CNTNAP2: variants seen among roughly 807,000 people sequenced by gnomAD.
The protein encoded by CNTNAP2 is contactin-associated protein-like 2.
Under a neutral mutation model 155.2 loss-of-function variants are expected in CNTNAP2, and 98 were observed. The observed-to-expected ratio is 0.63, with a 90% CI of 0.54 to 0.75. The LOEUF (loss-of-function observed/expected upper bound fraction) is 0.75. CNTNAP2 is among the 30% of genes least tolerant of loss of function. CNTNAP2 has a pLI of 0.00. For synonymous variants in CNTNAP2, 651 were observed against 631.2 expected (o/e 1.03, Z -0.47); for missense variants, 1,727 against 1,688.1 (o/e 1.02, Z -0.40).
chr7:147,443,868 T>C (rs1270515698), intron 10 of CNTNAP2, among the ~76,000 whole-genome samples: 2 of 152,246 alleles, frequency 1.3e-5, no homozygotes, highest in African/African-American at 2.4e-5. Flanking sequence ...GCAAAGCAAC[T>C]GGCTGTGATT....
intron 13 of CNTNAP2, among the ~76,000 whole-genome samples, chr7:147,848,225 A>G (rs1170233899): frequency 2.1e-5 from 3 of 144,122 alleles, no homozygotes; most frequent in Non-Finnish European, 4.6e-5. Flanking sequence ...TTGATCTCAG[A>G]CTGCTGTGCT....
intron 15 of CNTNAP2, among the ~76,000 whole-genome samples, chr7:148,020,107 GAGTAACC>G (rs1387467346): frequency 1.3e-5 from 2 of 152,134 alleles, no homozygotes. Flanking sequence ...TTAATTCTCT[GAGTAACC>G]AGAAGCCAAA....
chr7:147,445,755 T>C (rs1329779898), intron 10 of CNTNAP2, among the ~76,000 whole-genome samples: 2 of 152,276 alleles, frequency 1.3e-5, no homozygotes, highest in Middle Eastern at 3.4e-3. Context: ...AGTCTATCTA[T>C]GTTTCTTTCC....
intron 13 of CNTNAP2, among the ~76,000 whole-genome samples, chr7:147,860,432 CA>C: frequency 6.6e-6 from 1 of 150,762 alleles, no homozygotes; most frequent in Admixed American, 6.6e-5. Flanking sequence ...TCAACAACAA[CA>C]AAAAAAATTA....
intron 13 of CNTNAP2, among the ~76,000 whole-genome samples, chr7:147,901,447 T>A (rs1219129373): frequency 6.6e-6 from 1 of 152,234 alleles, no homozygotes; most frequent in Non-Finnish European, 1.5e-5. Flanking sequence ...AAAGGTATTT[T>A]GCAATGTGAC....
chr7:146,511,768 A>G (rs1031648656), intron 1 of CNTNAP2, among the ~76,000 whole-genome samples: 10 of 152,164 alleles, frequency 6.6e-5, no homozygotes, highest in African/African-American at 2.2e-4. Context: ...TGGATTTGGT[A>G]TCAGCATAAT....
intron 1 of CNTNAP2, among the ~76,000 whole-genome samples, chr7:146,188,271 ACAGTGAG>A (rs1285147494): frequency 6.6e-6 from 1 of 152,212 alleles, no homozygotes; most frequent in Non-Finnish European, 1.5e-5. Context: ...TTGAAACAGT[ACAGTGAG>A]CTTTTCCAGT....
At chr7:147,488,470 T>C (rs1033972217) in intron 11 of CNTNAP2, among the ~76,000 whole-genome samples, 1 of 152,234 alleles carries the variant, frequency 6.6e-6, no homozygotes, top group South Asian at 2.1e-4. Flanking sequence ...TAACATAAAA[T>C]ATTTTGCTTC....
intron 13 of CNTNAP2, among the ~76,000 whole-genome samples, chr7:147,673,672 A>G (rs1480448124): frequency 6.6e-6 from 1 of 152,204 alleles, no homozygotes; most frequent in African/African-American, 2.4e-5. Flanking sequence ...CTCTGGTGGT[A>G]CTAACCATAG....
intron 15 of CNTNAP2, among the ~76,000 whole-genome samples, chr7:148,063,882 G>A (rs369653103): frequency 1.1e-4 from 16 of 152,026 alleles, no homozygotes; most frequent in African/African-American, 3.1e-4. Context: ...TTCAGTCTTC[G>A]ATCCATCTTG....
At chr7:148,074,062 G>A (rs1803431686) in intron 15 of CNTNAP2, among the ~76,000 whole-genome samples, 1 of 152,180 alleles carries the variant, frequency 6.6e-6, no homozygotes. Context: ...CTCTGGGAAT[G>A]TATAACCTGC....
At chr7:146,318,649 C>A (rs1318881501) in intron 1 of CNTNAP2, among the ~76,000 whole-genome samples, 1 of 152,086 alleles carries the variant, frequency 6.6e-6, no homozygotes, top group Non-Finnish European at 1.5e-5. Flanking sequence ...AGAAACAGAT[C>A]TTGTTTCAAG....
At chr7:146,399,491 A>G (rs1795683742) in intron 1 of CNTNAP2, among the ~76,000 whole-genome samples, 2 of 152,212 alleles carry the variant, frequency 1.3e-5, no homozygotes, top group Admixed American at 1.3e-4. Context: ...ATGTATTTGC[A>G]GATGACATAA....
At chr7:148,058,732 A>G (rs548409178) in intron 15 of CNTNAP2, among the ~76,000 whole-genome samples, 1 of 151,784 alleles carries the variant, frequency 6.6e-6, no homozygotes, top group African/African-American at 2.4e-5. Flanking sequence ...GAAAATAGGA[A>G]GAAGGAGTAC....
At chr7:146,620,199 G>A (rs528641159) in intron 1 of CNTNAP2, among the ~76,000 whole-genome samples, 4 of 152,208 alleles carry the variant, frequency 2.6e-5, no homozygotes, top group African/African-American at 7.2e-5. Flanking sequence ...AAGAACTTAA[G>A]CAGGGAGAAT....
chr7:147,858,878 T>G (rs1165762001), intron 13 of CNTNAP2, among the ~76,000 whole-genome samples: 1 of 152,206 alleles, frequency 6.6e-6, no homozygotes, highest in Non-Finnish European at 1.5e-5. Context: ...TTTGGACTTT[T>G]AGTCTCCAGA....
At chr7:148,274,680 C>T (rs746620246) in intron 21 of CNTNAP2, among the ~76,000 whole-genome samples, 3 of 152,184 alleles carry the variant, frequency 2.0e-5, no homozygotes, top group Non-Finnish European at 4.4e-5. Context: ...TGAGGCCTCC[C>T]CAGAAGCAGA....
At chr7:146,575,933 T>A (rs1222174054) in intron 1 of CNTNAP2, among the ~76,000 whole-genome samples, 2 of 152,064 alleles carry the variant, frequency 1.3e-5, no homozygotes, top group Non-Finnish European at 2.9e-5. Context: ...GGAGTGAATA[T>A]GGGAGGAGGT....
At chr7:146,880,634 A>G (rs1423878024) in intron 3 of CNTNAP2, among the ~76,000 whole-genome samples, 1 of 152,082 alleles carries the variant, frequency 6.6e-6, no homozygotes, top group East Asian at 1.9e-4. Context: ...TATCATCCCA[A>G]CTAAACCATT....
Sources: allele counts gnomAD v4.1 joint callset (sites outside exome capture counted in the v4.1 genomes callset), GRCh38; gene constraint gnomAD v4.1.1; transcripts MANE v1.5; gene names NCBI Gene and HGNC (gene_info 2026-07-23, HGNC 2026-07-21).